TLK2: variants seen among roughly 807,000 people sequenced by gnomAD.
TLK2 encodes the protein tousled like kinase 2.
TLK2 carries 6 observed loss-of-function variants against 117.3 expected under a neutral mutation model. That is an observed-to-expected ratio of 0.05 (90% CI 0.03 to 0.10). The LOEUF is 0.10. Among genes scored for constraint, TLK2 ranks in the 10% least tolerant of loss-of-function variants. The pLI, the probability that TLK2 is intolerant of heterozygous loss-of-function variation, is 1.00. For missense variants in TLK2, 299 were observed against 901.2 expected, an observed-to-expected ratio of 0.33 and a Z score of 8.56; for synonymous variants, 257 against 316.7, an observed-to-expected ratio of 0.81 and a Z score of 2.00.
chr17:62,579,824 A>G (rs1184447537), intron 14 of TLK2, among the ~76,000 whole-genome samples: 2 of 152,190 alleles, frequency 1.3e-5, no homozygotes, highest in East Asian at 1.9e-4. Flanking sequence ...CCCTCATTGT[A>G]TAGCAGGGCA....
At chr17:62,521,297 G>A (rs2076031264) in intron 3 of TLK2, among the ~76,000 whole-genome samples, 1 of 152,314 alleles carries the variant, frequency 6.6e-6, no homozygotes, top group South Asian at 2.1e-4. Context: ...ATAATCATGT[G>A]TGGATCTTAC....
chr17:62,523,232 T>C (rs2076161154), intron 5 of TLK2, 55 bp downstream of exon 5: 1 of 1,571,702 alleles, frequency 6.4e-7, no homozygotes, highest in Non-Finnish European at 8.6e-7. Flanking sequence ...AAAAACTCTA[T>C]AGTGATTTTT....
chr17:62,614,202 T>G lies in TLK2; in HGVS notation c.*1637T>G, dbSNP rs1241918465. 6.6e-6 allele frequency: 1 copy of G among 151,940 alleles called. No individual in the cohort carries two copies. The highest frequency in any genetic ancestry group is 1.5e-5 in the Non-Finnish European group (1 of 68,010). The allele number at this position is 151,940 out of a possible 1,614,324, so 9.4% of individuals were successfully genotyped here. ...TTTTGGCACCAATTTTCTTTTTTAA[T>G]TTGGTTGTTTCTGAGATGTATGATC... is the stretch of plus-strand genomic sequence containing the variant. On this transcript the variant is annotated 3_prime_UTR_variant, in exon 22 of 22. Transcript: ENST00000346027.
intron 11 of TLK2, among the ~76,000 whole-genome samples, chr17:62,566,456 C>T (rs186818547): frequency 7.9e-4 from 120 of 152,242 alleles, no homozygotes; most frequent in African/African-American, 7.7e-4. Context: ...TTAGATTAAG[C>T]GTGTTTTTGC....
intron 9 of TLK2, among the ~76,000 whole-genome samples, chr17:62,558,322 AT>A (rs1198642793): frequency 1.3e-5 from 2 of 152,044 alleles, no homozygotes; most frequent in Admixed American, 6.5e-5. Flanking sequence ...GCCACCACAC[AT>A]GGCTAATTTT....
intron 15 of TLK2, among the ~76,000 whole-genome samples, chr17:62,583,913 C>G (rs2081398888): frequency 6.6e-6 from 1 of 151,878 alleles, no homozygotes; most frequent in African/African-American, 2.4e-5. Context: ...ATACTTCTTA[C>G]AGTGATGTGT....
At chr17:62,611,598 T>G (rs536908608) in intron 21 of TLK2, among the ~76,000 whole-genome samples, 19 of 152,360 alleles carry the variant, frequency 1.2e-4, no homozygotes, top group African/African-American at 4.6e-4. Context: ...CTTGTCACCC[T>G]CATGTAAAAT....
intron 1 of TLK2, among the ~76,000 whole-genome samples, chr17:62,480,812 C>G (rs2071554359): frequency 6.6e-6 from 1 of 152,108 alleles, no homozygotes; most frequent in Non-Finnish European, 1.5e-5. Context: ...TGTTCTTTCC[C>G]CTGTGCTCAA....
In TLK2 at chr17:62,560,324, G is replaced by A. The variant is rs555060217; in HGVS notation, c.831+198G>A. The A allele has an allele frequency of 1.2e-5, 4 of 341,090 alleles. No homozygotes were observed. In the East Asian group the frequency reaches 2.2e-4, roughly 19 times the overall value. 21.1% of individuals were successfully genotyped at this position (341,090 alleles called of 1,614,324 possible). ...GTGTTAATTTGGGATATGCTTTGTTGCTGTGCATTGCTTTGAGTGTGATAT... is the reference window on the plus strand; with the variant it reads ...GTGTTAATTTGGGATATGCTTTGTTACTGTGCATTGCTTTGAGTGTGATAT... On this transcript the variant is annotated intron_variant, in intron 10 of 21. Transcript: ENST00000346027.
intron 13 of TLK2, 65 bp from the exon 14 acceptor site, chr17:62,578,412 G>C (rs1329213268): frequency 1.1e-5 from 14 of 1,309,616 alleles, no homozygotes. Flanking sequence ...TATTGTTTTT[G>C]AAATAAGATC....
chr17:62,495,657 A>ATATG (rs1567789500), intron 2 of TLK2, among the ~76,000 whole-genome samples: 1 of 140,990 alleles, frequency 7.1e-6, no homozygotes, highest in African/African-American at 2.6e-5. Flanking sequence ...TAAAAATTAT[A>ATATG]TATATATATA....
At chr17:62,521,393 T>C (rs1253955756) in intron 3 of TLK2, among the ~76,000 whole-genome samples, 5 of 152,168 alleles carry the variant, frequency 3.3e-5, no homozygotes, top group Admixed American at 3.3e-4. Flanking sequence ...ATAAAATTGA[T>C]TGACTGATTT....
chr17:62,548,240 A>ATGTGTGTGTG (rs59375141), intron 7 of TLK2, among the ~76,000 whole-genome samples: 6,464 of 121,094 alleles, frequency 0.053, 246 homozygotes, highest in Non-Finnish European at 0.071. Context: ...ATATATATAT[A>ATGTGTGTGTG]TGTGTGTGTG....
chr17:62,471,818 A>T (rs2070944714), intron 1 of TLK2, among the ~76,000 whole-genome samples: 1 of 137,262 alleles, frequency 7.3e-6, no homozygotes, highest in South Asian at 2.5e-4. Flanking sequence ...CAGGAGGGGG[A>T]GCAGTCCTTT....
intron 2 of TLK2, among the ~76,000 whole-genome samples, chr17:62,493,398 T>C (rs1350819495): frequency 6.6e-6 from 1 of 152,240 alleles, no homozygotes; most frequent in Non-Finnish European, 1.5e-5. Context: ...CTCGGGTTAC[T>C]TTTACCATTT....
chr17:62,531,069 G>A (rs1314850996), intron 6 of TLK2, among the ~76,000 whole-genome samples: 1 of 152,008 alleles, frequency 6.6e-6, no homozygotes, highest in African/African-American at 2.4e-5. Flanking sequence ...ATGATGATGT[G>A]TCATTTCATT....
intron 2 of TLK2, among the ~76,000 whole-genome samples, chr17:62,515,881 A>G (rs2075540517): frequency 6.6e-6 from 1 of 152,104 alleles, no homozygotes; most frequent in South Asian, 2.1e-4. Flanking sequence ...TTGGTGTCAC[A>G]TTCGAGAAAT....
intron 12 of TLK2, among the ~76,000 whole-genome samples, chr17:62,576,266 G>A (rs1454436716): frequency 6.6e-6 from 1 of 152,150 alleles, no homozygotes; most frequent in African/African-American, 2.4e-5. Context: ...CCAAATCCTA[G>A]ACTCTAATTT....
chr17:62,476,411 G>A (rs1244230762), upstream of TLK2, among the ~76,000 whole-genome samples: 2 of 151,876 alleles, frequency 1.3e-5, no homozygotes, highest in East Asian at 2.0e-4. Context: ...GTGAAACTCC[G>A]TCTCTACTAA....
Sources: allele counts gnomAD v4.1 joint callset (sites outside exome capture counted in the v4.1 genomes callset), GRCh38; gene constraint gnomAD v4.1.1; transcripts MANE v1.5; gene names NCBI Gene and HGNC (gene_info 2026-07-23, HGNC 2026-07-21).